KRT82: variants seen among roughly 807,000 people sequenced by gnomAD.
KRT82 encodes the protein keratin 82, also known as keratin, type II cuticular Hb2.
KRT82 carries 44 observed loss-of-function variants against 48.0 expected under a neutral mutation model. That is an observed-to-expected ratio of 0.92 (90% CI 0.72 to 1.18). KRT82 has a LOEUF of 1.18. KRT82 is among the 50% of genes most tolerant of loss of function. The pLI is 0.00. For synonymous variants in KRT82, 297 were observed against 278.3 expected, an observed-to-expected ratio of 1.07 and a Z score of -0.67; for missense variants, 701 against 671.4, an observed-to-expected ratio of 1.04 and a Z score of -0.49.
intron 2 of KRT82, among the ~76,000 whole-genome samples, chr12:52,401,728 C>T (rs1041895957): frequency 1.3e-4 from 20 of 152,264 alleles, no homozygotes; most frequent in Middle Eastern, 6.8e-3. Context: ...CTGAAATTCC[C>T]GGCTGACCCT....
intron 8 of KRT82, 75 bp downstream of exon 8, chr12:52,395,684 T>A (rs1939702461): frequency 9.2e-7 from 1 of 1,083,056 alleles, no homozygotes; most frequent in African/African-American, 1.6e-5. Flanking sequence ...TAGGAAGGGG[T>A]GGTGTGGGCT....
chr12:52,395,163 C>A lies in KRT82; in HGVS notation c.1354G>T (p.Glu452Ter), dbSNP rs755267742. The stretch of plus-strand genomic sequence containing the variant: ...ACAGGCGTGCTGACCCCACATGGCT[C>A]GTACAGGAAGGCGCCTTTGGAGCTG... Reference protein sequence around the residue: ...VSSSKGAFLYEPCGVSTPVLS... With the variant: ...VSSSKGAFLY Residue 452 changes from glutamate (E) to a stop codon, truncating the protein, a stop_gained, in exon 9 of 9, where the codon GAG becomes TAG. Coordinates refer to ENST00000257974, the MANE Select transcript of KRT82 (RefSeq NM_033033.4). LOFTEE classifies it low-confidence loss of function (END_TRUNC). 1.2e-6 allele frequency: 2 copies of A among 1,613,966 alleles called. No individual in the cohort carries two copies. The highest frequency in any genetic ancestry group is 2.2e-5 in the South Asian group (2 of 91,062).
At chr12:52,396,807 A>C (rs1592152687) in intron 6 of KRT82, 76 bp downstream of exon 6, 2 of 1,559,058 alleles carry the variant, frequency 1.3e-6, no homozygotes, top group Non-Finnish European at 1.8e-6. Context: ...CAAGGATTGA[A>C]CCCGCCCTGC....
Position 52,403,719 on chromosome 12 carries a change from A to T in KRT82, c.602T>A (p.Leu201Gln). 2 of 1,606,280 alleles carry T rather than the reference A, an allele frequency of 1.2e-6. No individual in the cohort carries two copies. The highest frequency in any genetic ancestry group is 1.7e-6 in the Non-Finnish European group (2 of 1,173,734). ...ESELCSLQAALEGYKKKYEEE... is the reference protein window; with the variant it reads ...ESELCSLQAAQEGYKKKYEEE... The stretch of plus-strand genomic sequence containing the variant: ...GACTCACTTTTTCTTGTAGCCCTCC[A>T]GTGCAGCCTGGAGGCTGCAGAGCTC... The change falls in exon 2 of 9, where the codon CTG (leucine) becomes CAG (glutamine). Residue 201 changes from leucine (L) to glutamine (Q), a missense_variant. Transcript: ENST00000257974.
intron 1 of KRT82, among the ~76,000 whole-genome samples, chr12:52,404,567 TG>T (rs1456616814): frequency 6.6e-6 from 1 of 152,146 alleles, no homozygotes; most frequent in East Asian, 1.9e-4. Flanking sequence ...GGCTGGACAT[TG>T]ACTAAGGGAA....
rs573046996 is a variant in KRT82 at position 52,395,015 on chromosome 12, G to A, written c.1502C>T (p.Thr501Met). The A allele has an allele frequency of 6.1e-5, 99 of 1,613,824 alleles. No homozygotes were observed. Among genetic ancestry groups the A allele is most frequent in the Middle Eastern group, 1.7e-4 (1 of 6,060 alleles). Residue 501 changes from threonine (T) to methionine (M), a missense_variant, in exon 9 of 9, where the codon ACG becomes ATG. Physicochemically the swap from Thr to Met is moderately conservative, Grantham distance 81. Coordinates refer to ENST00000257974, the MANE Select transcript of KRT82 (RefSeq NM_033033.4). Reference sequence around the variant, plus strand: ...GGGGGAGCTGCCCCCAGCTCCTAGCGTCATGCTGGATTTCCGCCCGCTCCC... The same window carrying A: ...GGGGGAGCTGCCCCCAGCTCCTAGCATCATGCTGGATTTCCGCCCGCTCCC... Reference protein sequence around the residue: ...SCGSGRKSSMTLGAGGSSPSH... With the variant: ...SCGSGRKSSMMLGAGGSSPSH...
intron 2 of KRT82, among the ~76,000 whole-genome samples, chr12:52,403,327 A>C (rs1286943373): frequency 6.6e-6 from 1 of 152,194 alleles, no homozygotes; most frequent in East Asian, 1.9e-4. Context: ...CAGGAACAAA[A>C]GCCCGGAGGG....
chr12:52,394,679 C>A lies in KRT82; in HGVS notation c.*296G>T, dbSNP rs1445759757. On this transcript the variant is annotated 3_prime_UTR_variant, in exon 9 of 9. Transcript: ENST00000257974. ...CAGAACTGTGGTGTGCCCATTTGAC[C>A]TTTTGGGGGTTATTGCCATTCTGCG... 4.3e-6 allele frequency: 2 copies of A among 466,650 alleles called. No homozygotes were observed. Among genetic ancestry groups the A allele is most frequent in the East Asian group, 4.0e-5 (1 of 25,002 alleles). The allele number at this position is 466,650 out of a possible 1,614,324, so 28.9% of individuals were successfully genotyped here.
At chr12:52,404,835 T>C (rs1430510143) in intron 1 of KRT82, among the ~76,000 whole-genome samples, 1 of 152,220 alleles carries the variant, frequency 6.6e-6, no homozygotes, top group African/African-American at 2.4e-5. Context: ...CTTTGGCATA[T>C]ATTACCTCCT....
rs200135662 is a variant in KRT82 at position 52,400,555 on chromosome 12, A to G, written c.749T>C (p.Ile250Thr). 3.9e-5 allele frequency: 63 copies of G among 1,614,060 alleles called. No homozygotes were observed. Among genetic ancestry groups the G allele is most frequent in the Non-Finnish European group, 4.7e-5 (55 of 1,179,968 alleles). Reference sequence around the variant, plus strand: ...CTCATACAGGCTTTTCAGGAAGTCGATCTCCTGCACGAGTGCCTCTGCGTT... The same window carrying G: ...CTCATACAGGCTTTTCAGGAAGTCGGTCTCCTGCACGAGTGCCTCTGCGTT... ...ETNAEALVQE[I>T]DFLKSLYEEE... Residue 250 changes from isoleucine to threonine, a missense_variant, in exon 4 of 9, where the codon ATC (isoleucine) becomes ACC (threonine). By Grantham distance (89) the Ile-to-Thr change is moderately conservative. Transcript: ENST00000257974.
chr12:52,402,267 T>G (rs2121480250), intron 2 of KRT82: 1 of 152,414 alleles, frequency 6.6e-6, no homozygotes, highest in East Asian at 1.9e-4. Context: ...ATTCTTAAAA[T>G]ACCAGTTGGA....
At position 52,401,562 on chromosome 12, in the gene KRT82, A is replaced by G. The variant is rs1300750841; in HGVS notation, c.621-213T>C. 3.9e-5 allele frequency among the ~76,000 whole-genome samples: 6 copies of G among 152,268 alleles called. 1 individual carries two copies. Among genetic ancestry groups the G allele is most frequent in the Admixed American group, 3.9e-4 (6 of 15,298 alleles). ...AAGTTTACTCTTCTCCCCATTCCTC[A>G]GGAACCTTCTCCCGCGATGAGTCCT... is the stretch of plus-strand genomic sequence containing the variant. On this transcript the variant is annotated intron_variant, in intron 2 of 8. Coordinates refer to ENST00000257974, the MANE Select transcript of KRT82 (RefSeq NM_033033.4).
intron 2 of KRT82, 71 bp downstream of exon 2, chr12:52,403,630 G>A (rs1052998032): frequency 1.1e-6 from 1 of 942,866 alleles, no homozygotes; most frequent in Non-Finnish European, 1.6e-6. Flanking sequence ...TATAAATGGG[G>A]AATCAGGGCC....
At position 52,400,516 on chromosome 12, in the gene KRT82, G is replaced by A; in HGVS notation, c.777+11C>T. On this transcript the variant is annotated intron_variant, in intron 4 of 8. Coordinates refer to ENST00000257974, the MANE Select transcript of KRT82 (RefSeq NM_033033.4). ...CCCTGACTAACCACCCAAGGTCAGGGCTGTGGGTACCTCCTCATACAGGCT... is the reference window on the plus strand; with the variant it reads ...CCCTGACTAACCACCCAAGGTCAGGACTGTGGGTACCTCCTCATACAGGCT... 1 of 1,603,864 alleles carries A rather than the reference G, an allele frequency of 6.2e-7. No homozygotes were observed. Among genetic ancestry groups the A allele is most frequent in the Non-Finnish European group, 8.5e-7 (1 of 1,170,620 alleles).
chr12:52,402,914 T>C (rs1210443946), intron 2 of KRT82, among the ~76,000 whole-genome samples: 1 of 152,150 alleles, frequency 6.6e-6, no homozygotes, highest in East Asian at 1.9e-4. Flanking sequence ...TGCACTCCCA[T>C]AGGACACTGG....
intron 6 of KRT82, among the ~76,000 whole-genome samples, chr12:52,396,514 G>A (rs970817331): frequency 6.6e-6 from 1 of 152,208 alleles, no homozygotes; most frequent in African/African-American, 2.4e-5. Flanking sequence ...GGAGAATGGA[G>A]TGGGTCTGAT....
At position 52,395,739 on chromosome 12, in the gene KRT82, G is replaced by C. The variant is rs772079849; in HGVS notation, c.1321+20C>G. ...ACCCCCAAGACTCCAGAGCCAGTGG[G>C]GCATGGCTCATCTACTTACAGATAT... On this transcript the variant is annotated intron_variant, in intron 8 of 8. Coordinates refer to ENST00000257974, the MANE Select transcript of KRT82 (RefSeq NM_033033.4). 2 of 1,556,228 alleles carry C rather than the reference G, an allele frequency of 1.3e-6. No homozygotes were observed. The highest frequency in any genetic ancestry group is 1.7e-6 in the Non-Finnish European group (2 of 1,153,768).
At position 52,401,327 on chromosome 12, in the gene KRT82, G is replaced by T. The variant is rs368818089; in HGVS notation, c.643C>A (p.Arg215Ser). 1 of 1,614,118 alleles carries T rather than the reference G, an allele frequency of 6.2e-7. No homozygotes were observed. The highest frequency in any genetic ancestry group is 1.3e-5 in the African/African-American group (1 of 75,034). ...KKKYEEELSL[R>S]PCVENEFVAL... ...ACAAACTCATTCTCAACACAGGGAC[G>T]CAGGGAGAGCTCCTCTTCGTATCTG... The change falls in exon 3 of 9, where the codon CGT becomes AGT. Residue 215 changes from arginine (R) to serine (S), a missense_variant. By Grantham distance (110) the Arg-to-Ser change is moderately radical (BLOSUM62 -1). Coordinates refer to ENST00000257974, the MANE Select transcript of KRT82 (RefSeq NM_033033.4).
intron 2 of KRT82, among the ~76,000 whole-genome samples, chr12:52,401,744 T>C (rs1008460603): frequency 4.6e-5 from 7 of 152,204 alleles, no homozygotes; most frequent in Admixed American, 4.6e-4. Context: ...ACCCTGTGCA[T>C]CCTCCTCGCT....
Sources: allele counts gnomAD v4.1 joint callset (sites outside exome capture counted in the v4.1 genomes callset), GRCh38; gene constraint gnomAD v4.1.1; transcripts MANE v1.5; gene names NCBI Gene and HGNC (gene_info 2026-07-23, HGNC 2026-07-21).